The following CRTAC1 variants were observed in gnomAD, a reference collection of about 807,000 sequenced individuals.
CRTAC1 encodes the protein cartilage acidic protein 1, also known as acidic secreted protein in cartilage.
CRTAC1 carries 37 observed loss-of-function variants against 67.8 expected under a neutral mutation model. The observed-to-expected ratio is 0.55, with a 90% CI of 0.42 to 0.72. The LOEUF is 0.72. Among genes scored for constraint, CRTAC1 ranks in the 30% least tolerant of loss-of-function variants. The pLI is 0.00. For synonymous variants in CRTAC1, 348 were observed against 371.0 expected (o/e 0.94, Z 0.71); for missense variants, 780 against 931.6 (o/e 0.84, Z 2.12).
At chr10:97,890,515 T>C (rs1365770948) in intron 11 of CRTAC1, among the ~76,000 whole-genome samples, 1 of 152,216 alleles carries the variant, frequency 6.6e-6, no homozygotes, top group Non-Finnish European at 1.5e-5. Flanking sequence ...TGTAAGTGTG[T>C]TCCTGTGTAT....
chr10:98,011,629 C>T (rs922441920), intron 1 of CRTAC1, among the ~76,000 whole-genome samples: 8 of 152,144 alleles, frequency 5.3e-5, no homozygotes, highest in African/African-American at 1.9e-4. Context: ...CTTATGATTA[C>T]ACTTATTATT....
At chr10:97,878,989 G>T (rs374059566) in intron 14 of CRTAC1, among the ~76,000 whole-genome samples, 4 of 152,278 alleles carry the variant, frequency 2.6e-5, no homozygotes, top group East Asian at 1.9e-4. Flanking sequence ...CACCTGCTTT[G>T]TGTTATGATC....
intron 3 of CRTAC1, among the ~76,000 whole-genome samples, chr10:97,934,806 C>T (rs1301936269): frequency 6.6e-6 from 1 of 152,042 alleles, no homozygotes; most frequent in African/African-American, 2.4e-5. Flanking sequence ...TCAACCTAGC[C>T]CCACAGGGAC....
chr10:97,916,624 G>T (rs2050762279), intron 5 of CRTAC1, among the ~76,000 whole-genome samples: 2 of 152,204 alleles, frequency 1.3e-5, no homozygotes, highest in African/African-American at 4.8e-5. Flanking sequence ...ACTGAGGGAG[G>T]CTGCCACTTT....
At chr10:97,948,112 A>G (rs1355038353) in intron 2 of CRTAC1, among the ~76,000 whole-genome samples, 1 of 151,230 alleles carries the variant, frequency 6.6e-6, no homozygotes. Context: ...TTATTGCAAA[A>G]AAAAAAAAAA....
chr10:97,890,142 G>T (rs1294281466), intron 11 of CRTAC1, among the ~76,000 whole-genome samples: 1 of 151,484 alleles, frequency 6.6e-6, no homozygotes, highest in Non-Finnish European at 1.5e-5. Context: ...TGTAAGACAG[G>T]CTCTCACTCT....
chr10:97,982,114 A>C (rs977621891), intron 2 of CRTAC1, among the ~76,000 whole-genome samples: 1 of 152,194 alleles, frequency 6.6e-6, no homozygotes, highest in Non-Finnish European at 1.5e-5. Flanking sequence ...CAGAAACCAT[A>C]ATCCTATTCT....
At chr10:97,912,126 C>A (rs1278651401) in intron 5 of CRTAC1, among the ~76,000 whole-genome samples, 1 of 152,130 alleles carries the variant, frequency 6.6e-6, no homozygotes, top group Non-Finnish European at 1.5e-5. Context: ...ATAATGGCTC[C>A]TTCTCGGGGC....
rs1392069258 is a variant in CRTAC1 at position 97,975,534 on chromosome 10, A to T, written c.224+35604T>A. Among the ~76,000 whole-genome samples the T allele has an allele frequency of 6.6e-6, 1 of 152,194 alleles. No homozygotes were observed. The highest frequency in any genetic ancestry group is 1.5e-5 in the Non-Finnish European group (1 of 68,032). ...GCAGAAAGAGGATTACCCTGTCGGCATTTTGGCCCAGTCGGAATGGAGTCA... is the reference window on the plus strand; with the variant it reads ...GCAGAAAGAGGATTACCCTGTCGGCTTTTTGGCCCAGTCGGAATGGAGTCA... On this transcript the variant is annotated intron_variant, in intron 2 of 14. Coordinates refer to ENST00000370597, the MANE Select transcript of CRTAC1 (RefSeq NM_018058.7). The surrounding 1 kb of genome is among the most constrained non-coding windows in gnomAD (Gnocchi z 4.8).
chr10:97,987,157 A>G (rs2051995856), intron 2 of CRTAC1, among the ~76,000 whole-genome samples: 2 of 152,238 alleles, frequency 1.3e-5, no homozygotes, highest in African/African-American at 2.4e-5. Context: ...CAATGGTTGT[A>G]TATACAGCCT....
intron 8 of CRTAC1, among the ~76,000 whole-genome samples, chr10:97,897,261 G>A (rs1326601184): frequency 6.6e-6 from 1 of 152,214 alleles, no homozygotes; most frequent in Non-Finnish European, 1.5e-5. Flanking sequence ...GTTGATGGAT[G>A]AAGAAGGGGC....
chr10:97,897,031 G>A (rs574894531), intron 8 of CRTAC1, 40 bp from the exon 9 acceptor site: 1 of 1,466,664 alleles, frequency 6.8e-7, no homozygotes, highest in African/African-American at 1.4e-5. Flanking sequence ...TGGGGTCTCA[G>A]AGGCCGCTGG....
At chr10:97,964,715 G>A (rs184447321) in intron 2 of CRTAC1, among the ~76,000 whole-genome samples, 51 of 152,332 alleles carry the variant, frequency 3.3e-4, no homozygotes, top group Non-Finnish European at 5.6e-4. Flanking sequence ...AAAGGGCACA[G>A]GTGTCTAATT....
intron 8 of CRTAC1, among the ~76,000 whole-genome samples, chr10:97,900,071 G>A (rs1017200110): frequency 3.3e-5 from 5 of 152,210 alleles, no homozygotes; most frequent in Non-Finnish European, 7.3e-5. Flanking sequence ...CAGGGGCTGT[G>A]GGGTAGGTCC....
At chr10:97,910,608 C>A (rs188834145) in intron 5 of CRTAC1, among the ~76,000 whole-genome samples, 1 of 152,314 alleles carries the variant, frequency 6.6e-6, no homozygotes, top group Non-Finnish European at 1.5e-5. Flanking sequence ...AAAGGCCAGG[C>A]CCGCCTCTGG....
chr10:98,000,713 C>T (rs954649527), intron 2 of CRTAC1, among the ~76,000 whole-genome samples: 6 of 152,292 alleles, frequency 3.9e-5, no homozygotes, highest in East Asian at 3.9e-4. Flanking sequence ...GATCCTGAAA[C>T]GCTGCCACCT....
At chr10:97,955,986 T>C (rs1387350139) in intron 2 of CRTAC1, among the ~76,000 whole-genome samples, 2 of 152,194 alleles carry the variant, frequency 1.3e-5, no homozygotes, top group Non-Finnish European at 2.9e-5. Context: ...AACCTTGTAG[T>C]GAGCAACTAA....
intron 1 of CRTAC1, among the ~76,000 whole-genome samples, chr10:98,025,329 T>C (rs1366643196): frequency 6.6e-6 from 1 of 152,150 alleles, no homozygotes; most frequent in East Asian, 1.9e-4. Flanking sequence ...ACCTAGTGGA[T>C]ACTAGTAGCA....
chr10:97,920,414 A>T (rs577220325), intron 4 of CRTAC1, among the ~76,000 whole-genome samples: 1 of 152,362 alleles, frequency 6.6e-6, no homozygotes, highest in South Asian at 2.1e-4. Flanking sequence ...CAAGGGAAGG[A>T]AGATGTTTCT....
Sources: gnomAD v4.1 joint callset for allele counts (sites outside exome capture counted in the v4.1 genomes callset) on GRCh38, gnomAD v4.1.1 for gene constraint, Gnocchi (gnomAD v3.1) non-coding constraint, MANE v1.5 for transcripts, NCBI Gene and HGNC (gene_info 2026-07-23, HGNC 2026-07-21) for gene names.